FNDC3B: variants seen among roughly 807,000 people sequenced by gnomAD.
FNDC3B encodes the protein fibronectin type III domain containing 3B, also known as fibronectin type III domain-containing protein 3B.
In FNDC3B, 12 loss-of-function variants were observed where a neutral mutation model predicts 151.5. That is an observed-to-expected ratio of 0.08 (90% confidence interval 0.05 to 0.13). The LOEUF (loss-of-function observed/expected upper bound fraction) is 0.13, where lower values mean the gene tolerates loss of function less well. Among genes scored for constraint, FNDC3B ranks in the 10% least tolerant of loss-of-function variants. The pLI is 1.00. For synonymous variants in FNDC3B, 528 were observed against 549.0 expected (o/e 0.96, Z 0.54); for missense variants, 1,214 against 1,505.3 (o/e 0.81, Z 3.20).
chr3:172,215,594 G>C (rs904793604), intron 3 of FNDC3B, among the ~76,000 whole-genome samples: 1 of 152,122 alleles, frequency 6.6e-6, no homozygotes. Context: ...CATGGTGGCA[G>C]ACACCTGTAA....
chr3:172,142,913 T>C (rs1721701062), intron 3 of FNDC3B, among the ~76,000 whole-genome samples: 1 of 152,194 alleles, frequency 6.6e-6, no homozygotes, highest in Non-Finnish European at 1.5e-5. Context: ...GGTTCATAGA[T>C]GGCAGTTTCT....
Position 172,307,490 on chromosome 3 carries a change from C to T in FNDC3B, c.1189C>T (p.Leu397=), listed in dbSNP as rs1342301369. ...LAHRSKSSLT[L]QWKAPIDNGS... ...ACATAGGAGCAAAAGTTCACTAACCCTGCAGTGGAAGGTGGGTAGCTCAAA... is the reference window on the plus strand; with the variant it reads ...ACATAGGAGCAAAAGTTCACTAACCTTGCAGTGGAAGGTGGGTAGCTCAAA... The change falls in exon 10 of 26, where the codon CTG becomes TTG. Residue 397 remains leucine (L), a synonymous_variant. Transcript: ENST00000415807. 3 of 1,613,964 alleles carry T rather than the reference C, an allele frequency of 1.9e-6. No individual in the cohort carries two copies. The highest frequency in any genetic ancestry group is 1.6e-4 in the Middle Eastern group (1 of 6,084).
intron 4 of FNDC3B, among the ~76,000 whole-genome samples, chr3:172,247,220 C>G (rs1001847019): frequency 6.6e-6 from 1 of 152,206 alleles, no homozygotes; most frequent in African/African-American, 2.4e-5. Flanking sequence ...TAAATTCACT[C>G]GTCTTGGATG....
At chr3:172,244,688 G>A (rs968809994) in intron 4 of FNDC3B, among the ~76,000 whole-genome samples, 6 of 133,618 alleles carry the variant, frequency 4.5e-5, no homozygotes, top group Admixed American at 1.7e-4. Flanking sequence ...GCAGTGGTGC[G>A]ATCTTGGCTC....
At chr3:172,273,876 A>G (rs1343044670) in intron 6 of FNDC3B, among the ~76,000 whole-genome samples, 1 of 152,216 alleles carries the variant, frequency 6.6e-6, no homozygotes, top group Admixed American at 6.5e-5. Flanking sequence ...AAAACAACAC[A>G]GGGATATTTC....
chr3:172,236,440 A>T (rs1217121836), intron 4 of FNDC3B, among the ~76,000 whole-genome samples: 2 of 152,208 alleles, frequency 1.3e-5, no homozygotes, highest in East Asian at 1.9e-4. Flanking sequence ...TCTGAGTTTT[A>T]TGCAAGTCAA....
intron 1 of FNDC3B, among the ~76,000 whole-genome samples, chr3:172,111,085 TGA>T (rs1202316774): frequency 1.6e-5 from 2 of 124,392 alleles, no homozygotes; most frequent in African/African-American, 6.5e-5. Flanking sequence ...GGCAACAGAG[TGA>T]GACTCCATTA....
chr3:172,197,010 G>C (rs1163833020), intron 3 of FNDC3B, among the ~76,000 whole-genome samples: 1 of 151,914 alleles, frequency 6.6e-6, no homozygotes, highest in African/African-American at 2.4e-5. Context: ...GTGAAACCCT[G>C]TCTTTACTAA....
At chr3:172,389,590 G>A (rs1302838010) in intron 25 of FNDC3B, among the ~76,000 whole-genome samples, 1 of 152,082 alleles carries the variant, frequency 6.6e-6, no homozygotes, top group Non-Finnish European at 1.5e-5. Context: ...ACGTGTGGGG[G>A]GGTGGCTCAC....
At chr3:172,330,336 G>A (rs1240231836) in intron 12 of FNDC3B, 11 of 482,968 alleles carry the variant, frequency 2.3e-5, no homozygotes, top group African/African-American at 9.8e-5. Context: ...GACTTGGTGT[G>A]TGTGTCTAGT....
At chr3:172,201,430 G>A (rs1725149728) in intron 3 of FNDC3B, among the ~76,000 whole-genome samples, 1 of 152,114 alleles carries the variant, frequency 6.6e-6, no homozygotes, top group East Asian at 1.9e-4. Context: ...GTGCGTACGT[G>A]CGGTGGAGTG....
intron 6 of FNDC3B, among the ~76,000 whole-genome samples, chr3:172,262,739 AC>A (rs1266994918): frequency 2.0e-5 from 3 of 150,604 alleles, no homozygotes; most frequent in African/African-American, 7.4e-5. Context: ...CCCATCTCTG[AC>A]AAAAAAAATT....
At chr3:172,144,259 G>T (rs1339473943) in intron 3 of FNDC3B, among the ~76,000 whole-genome samples, 2 of 152,128 alleles carry the variant, frequency 1.3e-5, no homozygotes, top group African/African-American at 2.4e-5. Flanking sequence ...CCATGGGGAT[G>T]GTGCTAGGCC....
At chr3:172,241,221 G>A (rs1234998393) in intron 4 of FNDC3B, among the ~76,000 whole-genome samples, 1 of 152,164 alleles carries the variant, frequency 6.6e-6, no homozygotes, top group African/African-American at 2.4e-5. Context: ...TTGAGCCTTT[G>A]TAATCTAAGG....
At chr3:172,389,840 T>C (rs980296082) in intron 25 of FNDC3B, among the ~76,000 whole-genome samples, 3 of 152,162 alleles carry the variant, frequency 2.0e-5, no homozygotes, top group African/African-American at 7.2e-5. Flanking sequence ...CACTCCAGCC[T>C]GGGCGAGAGC....
intron 9 of FNDC3B, chr3:172,307,112 A>G: frequency 4.5e-6 from 2 of 445,930 alleles, no homozygotes; most frequent in South Asian, 3.1e-5. Context: ...AATCTCTTCT[A>G]GTCAGTAGAT....
In FNDC3B at chr3:172,380,559, C is replaced by A. The variant is rs567536752; in HGVS notation, c.3176-407C>A. Among the ~76,000 whole-genome samples, 4 of 152,130 alleles carry A rather than the reference C, an allele frequency of 2.6e-5. No individual in the cohort carries two copies. In the South Asian group the frequency reaches 8.3e-4, roughly 32 times the overall value. On this transcript the variant is annotated intron_variant, in intron 24 of 25. Coordinates refer to ENST00000415807, the MANE Select transcript of FNDC3B (RefSeq NM_022763.4). ...ATTCCCTGATGTTTCTTTTTGTATG[C>A]GTCTCATACCTTGCTCTCCCCTTCC...
chr3:172,178,023 G>A (rs1266976902), intron 3 of FNDC3B, among the ~76,000 whole-genome samples: 9 of 152,096 alleles, frequency 5.9e-5, no homozygotes, highest in African/African-American at 4.8e-5. Context: ...TGCAGAGGAC[G>A]TGATCTCATT....
intron 1 of FNDC3B, among the ~76,000 whole-genome samples, chr3:172,067,732 G>A (rs890086421): frequency 1.3e-5 from 2 of 152,092 alleles, no homozygotes; most frequent in African/African-American, 4.8e-5. Context: ...ATCTTCAGAA[G>A]TTTGCATCTT....
Sources: gnomAD v4.1 joint callset for allele counts (sites outside exome capture counted in the v4.1 genomes callset) on GRCh38, gnomAD v4.1.1 for gene constraint, MANE v1.5 for transcripts, NCBI Gene and HGNC (gene_info 2026-07-23, HGNC 2026-07-21) for gene names.